The following TMTC1 variants were observed in gnomAD, a reference collection of about 807,000 sequenced individuals.
TMTC1 encodes the protein transmembrane O-mannosyltransferase targeting cadherins 1, also known as protein O-mannosyl-transferase TMTC1.
A neutral mutation model predicts 104.8 loss-of-function variants in TMTC1; 73 were observed. The ratio of observed to expected loss-of-function variants is 0.70; its 90% CI spans 0.58 to 0.85. The LOEUF is 0.85. TMTC1 is among the 40% of genes least tolerant of loss of function. The pLI, the probability that TMTC1 is intolerant of heterozygous loss-of-function variation, is 0.00. For synonymous variants in TMTC1, 434 were observed against 428.7 expected (o/e 1.01, Z -0.15); for missense variants, 1,035 against 1,096.1 (o/e 0.94, Z 0.79).
At chr12:29,720,324 C>T (rs1266830227) in intron 5 of TMTC1, among the ~76,000 whole-genome samples, 1 of 152,188 alleles carries the variant, frequency 6.6e-6, no homozygotes, top group Non-Finnish European at 1.5e-5. Flanking sequence ...GCACAGCCTC[C>T]TGTTTCGGTG....
chr12:29,573,208 T>G (rs1395678800), intron 8 of TMTC1, among the ~76,000 whole-genome samples: 1 of 152,002 alleles, frequency 6.6e-6, no homozygotes, highest in Non-Finnish European at 1.5e-5. Context: ...CAATGGAGGG[T>G]GATAAAGTCA....
chr12:29,751,677 C>A lies in TMTC1; in HGVS notation c.927G>T (p.Trp309Cys), dbSNP rs1291170688. Residue 309 changes from tryptophan (W) to cysteine (C), a missense_variant, in exon 5 of 18, where the codon TGG becomes TGT. By Grantham distance (215) the Trp-to-Cys change is radical. Coordinates refer to ENST00000539277, the MANE Select transcript of TMTC1 (RefSeq NM_001193451.2). ...ACCCAGCCCAGTACCTCATCATGGA[C>A]CACACAGCTCGTGGGGACACTGGGA... ...SGFPVSPRAV[W>C]SMMRFLTYSY... is the part of the protein sequence containing the mutation. 2 of 1,614,106 alleles carry A rather than the reference C, an allele frequency of 1.2e-6. No homozygotes were observed. Among genetic ancestry groups the A allele is most frequent in the Non-Finnish European group, 1.7e-6 (2 of 1,180,014 alleles).
chr12:29,536,401 A>G lies in TMTC1; in HGVS notation c.1677-84T>C, dbSNP rs1184484629. 3 of 885,018 alleles carry G rather than the reference A, an allele frequency of 3.4e-6. No homozygotes were observed. The African/African-American group carries it at 5.2e-5, about 15-fold the overall frequency. The allele number at this position is 885,018 out of a possible 1,614,324, so 54.8% of individuals were successfully genotyped here. ...CCTCTGATTAGACTCTAAAAATCTCATTTCTTTTAGCAAAGGTTAGCTGAT... is the reference window on the plus strand; with the variant it reads ...CCTCTGATTAGACTCTAAAAATCTCGTTTCTTTTAGCAAAGGTTAGCTGAT... On this transcript the variant is annotated intron_variant, in intron 10 of 17. Coordinates refer to ENST00000539277, the MANE Select transcript of TMTC1 (RefSeq NM_001193451.2).
At chr12:29,657,298 A>G (rs1184748090) in intron 5 of TMTC1, among the ~76,000 whole-genome samples, 4 of 152,218 alleles carry the variant, frequency 2.6e-5, no homozygotes, top group African/African-American at 9.7e-5. Flanking sequence ...AGAACACAAG[A>G]AAATATATTA....
chr12:29,532,584 T>C (rs957804116), intron 11 of TMTC1: 6 of 152,052 alleles, frequency 3.9e-5, no homozygotes, highest in Non-Finnish European at 8.8e-5. Flanking sequence ...TATAATTTAA[T>C]GGCAAGTGAA....
In TMTC1 at chr12:29,783,659, C is replaced by A; in HGVS notation, c.93G>T (p.Ala31=). The A allele has an allele frequency of 7.3e-7, 1 of 1,376,284 alleles. No homozygotes were observed. Among genetic ancestry groups the A allele is most frequent in the Non-Finnish European group, 9.4e-7 (1 of 1,065,860 alleles). The allele number at this position is 1,376,284 out of a possible 1,614,324, so 85.3% of individuals were successfully genotyped here. Residue 31 remains alanine, a synonymous_variant, in exon 1 of 18, where the codon GCG becomes GCT. Coordinates refer to ENST00000539277, the MANE Select transcript of TMTC1 (RefSeq NM_001193451.2). The surrounding 1 kb of genome is among the most constrained non-coding windows in gnomAD (Gnocchi z 4.7). ...ACAGGCAGCTTGCCCCGGCCAGCAG[C>A]GCCGCGGCCCCGGCCGGCGCTAGCC... ...GCGLAPAGAA[A]LLAGASCLCY...
intron 5 of TMTC1, among the ~76,000 whole-genome samples, chr12:29,643,613 A>T (rs1371157757): frequency 9.4e-5 from 3 of 31,978 alleles, no homozygotes; most frequent in African/African-American, 1.6e-4. Context: ...ATTATATATA[A>T]TATATATCTA....
intron 17 of TMTC1, among the ~76,000 whole-genome samples, chr12:29,509,675 AC>A (rs1943780713): frequency 6.6e-6 from 1 of 152,262 alleles, no homozygotes; most frequent in African/African-American, 2.4e-5. Context: ...ACATAAATTA[AC>A]TGATATTTGA....
intron 11 of TMTC1, among the ~76,000 whole-genome samples, chr12:29,525,625 G>T (rs912815558): frequency 4.6e-5 from 7 of 151,142 alleles, no homozygotes; most frequent in African/African-American, 1.7e-4. Flanking sequence ...ACTTTGGCAT[G>T]ATGTATTAAA....
At chr12:29,768,311 C>A (rs1943520509) in intron 1 of TMTC1, among the ~76,000 whole-genome samples, 1 of 152,164 alleles carries the variant, frequency 6.6e-6, no homozygotes, top group African/African-American at 2.4e-5. Context: ...TTTCAGGGAA[C>A]TTTGGTCTCA....
At chr12:29,778,470 A>T (rs1943761513) in intron 1 of TMTC1, among the ~76,000 whole-genome samples, 1 of 152,200 alleles carries the variant, frequency 6.6e-6, no homozygotes, top group South Asian at 2.1e-4. Context: ...GTTCTGTGTC[A>T]ATTCACCCTC....
intron 11 of TMTC1, among the ~76,000 whole-genome samples, chr12:29,525,906 A>AT (rs2136174448): frequency 6.6e-6 from 1 of 152,222 alleles, no homozygotes; most frequent in Non-Finnish European, 1.5e-5. Context: ...ATTGCTAGAG[A>AT]TTTTTCTAGG....
chr12:29,746,934 A>G (rs1303026384), intron 5 of TMTC1, among the ~76,000 whole-genome samples: 1 of 152,192 alleles, frequency 6.6e-6, no homozygotes, highest in African/African-American at 2.4e-5. Flanking sequence ...TATTTCCAGC[A>G]CCAAAAATAG....
intron 10 of TMTC1, among the ~76,000 whole-genome samples, chr12:29,547,392 AG>A (rs1944970269): frequency 1.3e-5 from 2 of 152,206 alleles, no homozygotes; most frequent in South Asian, 4.1e-4. Flanking sequence ...AGTATAAATG[AG>A]TGGAGTTGCA....
chr12:29,655,671 T>C (rs1431976543), intron 5 of TMTC1, among the ~76,000 whole-genome samples: 4 of 152,166 alleles, frequency 2.6e-5, no homozygotes, highest in African/African-American at 9.7e-5. Context: ...TGAAGCTCAG[T>C]GTAAGCAGAA....
intron 1 of TMTC1, 135 bp from the exon 2 acceptor site, chr12:29,768,210 G>T: frequency 5.5e-6 from 4 of 728,038 alleles, no homozygotes; most frequent in South Asian, 2.2e-5. Context: ...CCCAACATTG[G>T]GTTATTTTTT....
intron 3 of TMTC1, among the ~76,000 whole-genome samples, chr12:29,757,033 T>C (rs943494496): frequency 1.1e-4 from 17 of 152,194 alleles, no homozygotes; most frequent in African/African-American, 4.1e-4. Flanking sequence ...ATTACTTCTA[T>C]TCTAATGCCA....
intron 7 of TMTC1, among the ~76,000 whole-genome samples, chr12:29,603,315 C>T (rs140896447): frequency 1.4e-4 from 21 of 152,178 alleles, no homozygotes; most frequent in African/African-American, 4.6e-4. Context: ...AAATAAAAAA[C>T]ACTCATTTCC....
At chr12:29,700,654 CA>C (rs1941562342) in intron 5 of TMTC1, among the ~76,000 whole-genome samples, 2 of 152,146 alleles carry the variant, frequency 1.3e-5, no homozygotes, top group South Asian at 4.1e-4. Context: ...ACTAACATAG[CA>C]CCCTATTCAT....
Sources: gnomAD v4.1 joint callset for allele counts (sites outside exome capture counted in the v4.1 genomes callset) on GRCh38, gnomAD v4.1.1 for gene constraint, Gnocchi (gnomAD v3.1) non-coding constraint, MANE v1.5 for transcripts, NCBI Gene and HGNC (gene_info 2026-07-23, HGNC 2026-07-21) for gene names.